Variants in CELF2 observed in about 807,000 individuals in gnomAD.
CELF2 encodes the protein CUGBP Elav-like family member 2.
A neutral mutation model predicts 62.6 loss-of-function variants in CELF2; 8 were observed. That is an observed-to-expected ratio of 0.13 (90% confidence interval 0.07 to 0.23). CELF2 has a LOEUF of 0.23. Among genes scored for constraint, CELF2 ranks in the 10% least tolerant of loss-of-function variants. The pLI, the probability that CELF2 is intolerant of heterozygous loss-of-function variation, is 1.00. For synonymous variants in CELF2, 258 were observed against 250.0 expected (o/e 1.03, Z -0.30); for missense variants, 333 against 671.0 (o/e 0.50, Z 5.56).
At chr10:10,539,041 T>G in the CELF2 span, among the ~76,000 whole-genome samples, 1 of 152,204 alleles carries the variant, frequency 6.6e-6, no homozygotes, top group Admixed American at 6.5e-5. Flanking sequence ...AGAAGAAACA[T>G]CCAGATGCTT....
intron 2 of CELF2, among the ~76,000 whole-genome samples, chr10:11,176,267 T>C (rs2133855693): frequency 6.6e-6 from 1 of 152,364 alleles, no homozygotes. Context: ...TGAGCCTTTC[T>C]GAGGGTTCTC....
At position 10,837,723 on chromosome 10, in the gene CELF2, C is replaced by A. The variant is rs563706881; in HGVS notation, c.53+38906C>A. Among the ~76,000 whole-genome samples the A allele has an allele frequency of 6.6e-5, 10 of 152,238 alleles. 1 individual carries two copies. The highest frequency in any genetic ancestry group is 2.2e-4 in the African/African-American group (9 of 41,546). On this transcript the variant is annotated intron_variant, in intron 1 of 13. Coordinates refer to the CELF2 transcript ENST00000636488. ...GAGTCATTTTCAAGGAAAACAGACC[C>A]CTCAGACACCTCCCTATATGCCATC...
At chr10:11,108,837 T>C (rs77411286) in intron 1 of CELF2, among the ~76,000 whole-genome samples, 12,912 of 152,292 alleles carry the variant, frequency 0.085, 664 homozygotes, top group African/African-American at 0.14. Flanking sequence ...TGGATCCATT[T>C]CCCTTCTCTC....
At chr10:10,526,646 G>A in the CELF2 span, among the ~76,000 whole-genome samples, 2 of 152,134 alleles carry the variant, frequency 1.3e-5, no homozygotes, top group African/African-American at 2.4e-5. Flanking sequence ...CCCATTCTGA[G>A]CTCATCACCC....
chr10:10,721,513 A>G, the CELF2 span, among the ~76,000 whole-genome samples: 1 of 152,226 alleles, frequency 6.6e-6, no homozygotes, highest in African/African-American at 2.4e-5. Flanking sequence ...TTCAATACCT[A>G]CTAATGCTTC....
intron 2 of CELF2, among the ~76,000 whole-genome samples, chr10:11,205,188 A>G (rs2060156378): frequency 6.6e-6 from 1 of 152,330 alleles, no homozygotes; most frequent in Non-Finnish European, 1.5e-5. Flanking sequence ...AGACAACACA[A>G]TCAATTCTAA....
intron 8 of CELF2, among the ~76,000 whole-genome samples, 198 bp from the exon 9 acceptor site, chr10:11,288,220 A>G (rs931293002): frequency 7.9e-5 from 12 of 152,230 alleles, no homozygotes; most frequent in African/African-American, 9.6e-5. Context: ...AGGAAGAGCA[A>G]TTGCATCAGA....
At chr10:10,731,586 A>T in the CELF2 span, among the ~76,000 whole-genome samples, 2 of 152,218 alleles carry the variant, frequency 1.3e-5, no homozygotes, top group African/African-American at 4.8e-5. Flanking sequence ...GCAGTGTGAA[A>T]TGTAAAATAA....
At chr10:10,558,671 C>CT in the CELF2 span, among the ~76,000 whole-genome samples, 16 of 152,172 alleles carry the variant, frequency 1.1e-4, no homozygotes, top group African/African-American at 3.6e-4. Context: ...GTCCTGGACT[C>CT]TTTTTGCTTG....
chr10:10,714,295 A>T, the CELF2 span, among the ~76,000 whole-genome samples: 1 of 152,222 alleles, frequency 6.6e-6, no homozygotes, highest in Admixed American at 6.5e-5. Context: ...TGCCAACATC[A>T]TCAGCATTTT....
chr10:11,283,385 C>T (rs1008789349), intron 8 of CELF2, among the ~76,000 whole-genome samples: 1 of 152,214 alleles, frequency 6.6e-6, no homozygotes, highest in African/African-American at 2.4e-5. Context: ...TCTACTTTAT[C>T]CTCAGTGTGT....
the CELF2 span, among the ~76,000 whole-genome samples, chr10:10,612,521 T>C: frequency 6.6e-6 from 1 of 152,092 alleles, no homozygotes; most frequent in Non-Finnish European, 1.5e-5. Context: ...CAGAGACACA[T>C]TCTGTATGGA....
chr10:10,558,547 C>T, the CELF2 span, among the ~76,000 whole-genome samples: 1 of 152,044 alleles, frequency 6.6e-6, no homozygotes, highest in Non-Finnish European at 1.5e-5. Context: ...ATGCTGGCCT[C>T]ATAAAATGAG....
At chr10:11,088,502 G>T (rs950753017) in intron 1 of CELF2, among the ~76,000 whole-genome samples, 1 of 152,192 alleles carries the variant, frequency 6.6e-6, no homozygotes, top group Non-Finnish European at 1.5e-5. Flanking sequence ...TAGACCTGTG[G>T]TTTAAGAAGA....
chr10:10,507,097 G>A, the CELF2 span, among the ~76,000 whole-genome samples: 5 of 152,206 alleles, frequency 3.3e-5, no homozygotes, highest in East Asian at 5.8e-4. Flanking sequence ...AGTTCACTTC[G>A]TCATTTCAGC....
At chr10:11,043,526 A>G (rs1009569249) in intron 1 of CELF2, among the ~76,000 whole-genome samples, 1 of 152,058 alleles carries the variant, frequency 6.6e-6, no homozygotes, top group Admixed American at 6.5e-5. Context: ...GACTCTTTCT[A>G]CTTGGATGCC....
the CELF2 span, among the ~76,000 whole-genome samples, chr10:10,759,718 C>A: frequency 2.6e-5 from 4 of 152,104 alleles, no homozygotes; most frequent in Non-Finnish European, 4.4e-5. Context: ...GGTGATTCTT[C>A]TAGCAGTTTT....
chr10:10,609,981 G>A, the CELF2 span, among the ~76,000 whole-genome samples: 11,294 of 152,144 alleles, frequency 0.074, 1,268 homozygotes, highest in African/African-American at 0.24. Flanking sequence ...TTTAACTTTC[G>A]TATTCAATGA....
chr10:10,590,329 A>AT, the CELF2 span, among the ~76,000 whole-genome samples: 3 of 152,206 alleles, frequency 2.0e-5, no homozygotes, highest in Non-Finnish European at 4.4e-5. Context: ...TTTAGCCATT[A>AT]TTTTTTAACA....
Sources: allele counts gnomAD v4.1 joint callset (sites outside exome capture counted in the v4.1 genomes callset), GRCh38; gene constraint gnomAD v4.1.1; transcripts MANE v1.5; gene names NCBI Gene and HGNC (gene_info 2026-07-23, HGNC 2026-07-21).